Variants in NAV3 observed in about 807,000 individuals in gnomAD.
NAV3 encodes the protein neuron navigator 3.
In NAV3, 87 loss-of-function variants were observed where a neutral mutation model predicts 244.7. The observed-to-expected ratio is 0.36, with a 90% confidence interval of 0.30 to 0.42. The LOEUF (loss-of-function observed/expected upper bound fraction) is 0.42. Ranked by LOEUF, NAV3 falls within the 20% of genes least tolerant of loss-of-function variation. The pLI, the probability that NAV3 is intolerant of heterozygous loss-of-function variation, is 1.00. For missense variants in NAV3, 2,663 were observed against 2,893.3 expected (o/e 0.92, Z 1.83); for synonymous variants, 1,126 against 1,042.2 (o/e 1.08, Z -1.55).
chr12:78,173,999 A>C (rs1331365671), intron 24 of NAV3, among the ~76,000 whole-genome samples: 2 of 151,670 alleles, frequency 1.3e-5, no homozygotes, highest in African/African-American at 4.8e-5. Flanking sequence ...TAAATCAGTC[A>C]ATTGAAGAGG....
At chr12:77,944,038 C>G (rs1252061704) in intron 3 of NAV3, among the ~76,000 whole-genome samples, 2 of 152,044 alleles carry the variant, frequency 1.3e-5, no homozygotes, top group African/African-American at 4.8e-5. Flanking sequence ...ATGAACTACA[C>G]TTGAGAATTG....
intron 12 of NAV3, among the ~76,000 whole-genome samples, chr12:78,109,239 G>C (rs1954963423): frequency 6.6e-6 from 1 of 151,974 alleles, no homozygotes; most frequent in Admixed American, 6.6e-5. Flanking sequence ...AACCTACCAA[G>C]CTGTTGCATC....
intron 1 of NAV3, among the ~76,000 whole-genome samples, chr12:77,855,605 G>C (rs1169783614): frequency 6.6e-6 from 1 of 152,154 alleles, no homozygotes; most frequent in Non-Finnish European, 1.5e-5. Context: ...AATTTACTTT[G>C]AGCAATAGAA....
intron 1 of NAV3, among the ~76,000 whole-genome samples, chr12:77,925,681 T>C (rs749552905): frequency 5.3e-5 from 8 of 152,130 alleles, no homozygotes; most frequent in Non-Finnish European, 1.2e-4. Flanking sequence ...TGTTAGCCGA[T>C]GGTCTTGCAG....
intron 3 of NAV3, among the ~76,000 whole-genome samples, chr12:77,944,445 A>C (rs1431483145): frequency 6.6e-6 from 1 of 152,132 alleles, no homozygotes; most frequent in Non-Finnish European, 1.5e-5. Context: ...ATTACCATTA[A>C]ACAAGATTAT....
At chr12:77,742,145 A>G (rs1354650403) in intron 2 of NAV3, among the ~76,000 whole-genome samples, 2 of 152,048 alleles carry the variant, frequency 1.3e-5, no homozygotes, top group Admixed American at 6.6e-5. Flanking sequence ...TTCATCCTCT[A>G]TACAAGTTGT....
intron 2 of NAV3, among the ~76,000 whole-genome samples, chr12:77,690,936 T>A (rs932964117): frequency 2.0e-5 from 3 of 151,064 alleles, no homozygotes; most frequent in Non-Finnish European, 4.4e-5. Flanking sequence ...GTCTTCAAAA[T>A]GCCTCAAGAT....
rs569357804 is a variant in NAV3 at position 78,165,395 on chromosome 12, T to A, written c.4870-3360T>A. On this transcript the variant is annotated intron_variant, in intron 23 of 39. Transcript: ENST00000397909. Reference sequence around the variant, plus strand: ...TGGAAGAGTAGACTTTAAATCCATATCTTGATGGCATATACATTTTTCAGT... The same window carrying A: ...TGGAAGAGTAGACTTTAAATCCATAACTTGATGGCATATACATTTTTCAGT... 4.6e-5 allele frequency among the ~76,000 whole-genome samples: 7 copies of A among 152,086 alleles called. No individual in the cohort carries two copies. The East Asian group carries it at 1.4e-3, about 29-fold the overall frequency.
At chr12:77,573,289 A>C (rs534214626) in intron 2 of NAV3, among the ~76,000 whole-genome samples, 1 of 152,272 alleles carries the variant, frequency 6.6e-6, no homozygotes, top group South Asian at 2.1e-4. Context: ...GTGCTGAGTC[A>C]ATGGCTTATT....
Position 78,145,663 on chromosome 12 carries a change from A to G in NAV3, c.4684-706A>G, listed in dbSNP as rs868753103. 1.1e-4 allele frequency among the ~76,000 whole-genome samples: 17 copies of G among 152,246 alleles called. No homozygotes were observed. In the South Asian group the frequency reaches 3.5e-3, roughly 32 times the overall value. On this transcript the variant is annotated intron_variant, in intron 20 of 39. Transcript: ENST00000397909. ...GGAGTTTTCTGGAAGTCAAGTCAAAAACACCCTGCAAATTCCTATGGCAGT... is the reference window on the plus strand; with the variant it reads ...GGAGTTTTCTGGAAGTCAAGTCAAAGACACCCTGCAAATTCCTATGGCAGT...
At position 77,691,275 on chromosome 12, in the gene NAV3, T is replaced by C. The variant is rs1420450692; in HGVS notation, c.72+119009T>C. 2.8e-5 allele frequency among the ~76,000 whole-genome samples: 4 copies of C among 144,578 alleles called. No homozygotes were observed. In the Admixed American group the frequency reaches 2.8e-4, roughly 10 times the overall value. The allele number at this position is 144,578 out of a possible 152,430, so 94.8% of individuals were successfully genotyped here. On this transcript the variant is annotated intron_variant, in intron 2 of 8. Coordinates refer to the NAV3 transcript ENST00000550042. The stretch of plus-strand genomic sequence containing the variant: ...CTGATATCAAATTTTTATAATGAAT[T>C]AATCTAGAAAAGTTGTGGTAGAGGA...
At chr12:77,635,403 A>G (rs1012560859) in intron 2 of NAV3, among the ~76,000 whole-genome samples, 1 of 152,190 alleles carries the variant, frequency 6.6e-6, no homozygotes, top group Admixed American at 6.5e-5. Context: ...TTCTAAAAGA[A>G]GGGAATGTTT....
intron 9 of NAV3, among the ~76,000 whole-genome samples, chr12:78,035,941 C>G (rs964516674): frequency 2.0e-5 from 3 of 152,032 alleles, no homozygotes; most frequent in African/African-American, 7.2e-5. Context: ...GCACAAATCC[C>G]AACATTCAGA....
upstream of NAV3, among the ~76,000 whole-genome samples, chr12:77,829,802 T>C (rs1249323902): frequency 6.6e-6 from 1 of 152,212 alleles, no homozygotes; most frequent in Non-Finnish European, 1.5e-5. Context: ...AATTACTGCT[T>C]CTTAGATAAA....
intron 2 of NAV3, among the ~76,000 whole-genome samples, chr12:77,724,042 G>A (rs1376999632): frequency 6.6e-6 from 1 of 151,272 alleles, no homozygotes; most frequent in East Asian, 1.9e-4. Context: ...CATTAAATGG[G>A]GATAACTCTT....
intron 2 of NAV3, among the ~76,000 whole-genome samples, chr12:77,778,568 C>T (rs1330397673): frequency 3.4e-5 from 5 of 148,034 alleles, no homozygotes; most frequent in Admixed American, 6.8e-5. Context: ...ACTGAGATCG[C>T]GCCACTGCAC....
At chr12:77,687,827 G>A (rs771834857) in intron 2 of NAV3, among the ~76,000 whole-genome samples, 3 of 151,996 alleles carry the variant, frequency 2.0e-5, no homozygotes, top group East Asian at 1.9e-4. Context: ...ATTGTATTAC[G>A]GCTTAATAGC....
intron 3 of NAV3, chr12:77,950,637 T>C (rs939953553): frequency 7.2e-5 from 11 of 152,210 alleles, no homozygotes; most frequent in South Asian, 4.1e-4. Context: ...AGAACAAAGC[T>C]GGAGGCATCA....
At chr12:78,168,911 C>G (rs779219916) in intron 24 of NAV3, 45 bp downstream of exon 24, 2 of 1,252,888 alleles carry the variant, frequency 1.6e-6, no homozygotes, top group Non-Finnish European at 2.3e-6. Context: ...TAATAGACAT[C>G]TATTTTATTT....
Sources: allele counts gnomAD v4.1 joint callset (sites outside exome capture counted in the v4.1 genomes callset), GRCh38; gene constraint gnomAD v4.1.1; transcripts MANE v1.5; gene names NCBI Gene and HGNC (gene_info 2026-07-23, HGNC 2026-07-21).